EPB41L3: variants seen among roughly 807,000 people sequenced by gnomAD.
EPB41L3 encodes band 4.1-like protein 3.
A neutral mutation model predicts 127.1 loss-of-function variants in EPB41L3; 57 were observed. The ratio of observed to expected loss-of-function variants is 0.45; its 90% CI spans 0.36 to 0.56. EPB41L3 has a LOEUF of 0.56. Ranked by LOEUF, EPB41L3 falls within the 20% of genes least tolerant of loss-of-function variation. The pLI is 0.00. For synonymous variants in EPB41L3, 572 were observed against 549.5 expected, an observed-to-expected ratio of 1.04 and a Z score of -0.57; for missense variants, 1,273 against 1,372.2, an observed-to-expected ratio of 0.93 and a Z score of 1.14.
chr18:5,533,386 A>AGT (rs2093471934), intron 1 of EPB41L3, among the ~76,000 whole-genome samples: 1 of 152,184 alleles, frequency 6.6e-6, no homozygotes, highest in African/African-American at 2.4e-5. Flanking sequence ...GGATTATGTG[A>AGT]GTGTGTGTGT....
intron 13 of EPB41L3, 37 bp downstream of exon 13, chr18:5,415,781 C>G: frequency 6.3e-7 from 1 of 1,586,072 alleles, no homozygotes; most frequent in Non-Finnish European, 8.6e-7. Flanking sequence ...AAGCACGGAA[C>G]ACGAAGGGGA....
At chr18:5,533,090 C>T (rs998996328) in intron 1 of EPB41L3, among the ~76,000 whole-genome samples, 1 of 151,944 alleles carries the variant, frequency 6.6e-6, no homozygotes, top group African/African-American at 2.4e-5. Flanking sequence ...ATGTGAAAAC[C>T]CTCTCAGAGG....
chr18:5,455,742 T>G (rs1480199959), intron 3 of EPB41L3, among the ~76,000 whole-genome samples: 2 of 151,092 alleles, frequency 1.3e-5, no homozygotes, highest in African/African-American at 4.9e-5. Context: ...GAAGCACGCT[T>G]CTTCTTGGCT....
intron 1 of EPB41L3, among the ~76,000 whole-genome samples, chr18:5,624,114 T>C (rs888948273): frequency 2.6e-5 from 4 of 152,180 alleles, no homozygotes; most frequent in African/African-American, 7.2e-5. Context: ...CTGTTCCTCC[T>C]GCCTCAGCCT....
intron 3 of EPB41L3, among the ~76,000 whole-genome samples, chr18:5,457,496 T>C (rs983866875): frequency 3.9e-5 from 6 of 152,068 alleles, no homozygotes; most frequent in African/African-American, 1.2e-4. Context: ...AGGTCATCCC[T>C]GAGACTGTAT....
chr18:5,516,302 C>T (rs556958118), intron 1 of EPB41L3, among the ~76,000 whole-genome samples: 1 of 152,092 alleles, frequency 6.6e-6, no homozygotes, highest in Non-Finnish European at 1.5e-5. Context: ...AGCAAGGGGA[C>T]GCTCATTATT....
At chr18:5,622,721 C>T (rs1009878774) in intron 1 of EPB41L3, among the ~76,000 whole-genome samples, 1 of 152,090 alleles carries the variant, frequency 6.6e-6, no homozygotes, top group Non-Finnish European at 1.5e-5. Flanking sequence ...TAAATTGGAC[C>T]TCTAGCTTCA....
At chr18:5,403,789 G>C (rs2074916570) in intron 16 of EPB41L3, among the ~76,000 whole-genome samples, 1 of 151,958 alleles carries the variant, frequency 6.6e-6, no homozygotes, top group Admixed American at 6.6e-5. Context: ...TTTAATTGAA[G>C]TAGGCTTTAT....
At chr18:5,625,761 C>T (rs1483611875) in intron 1 of EPB41L3, among the ~76,000 whole-genome samples, 2 of 152,116 alleles carry the variant, frequency 1.3e-5, no homozygotes, top group Non-Finnish European at 2.9e-5. Context: ...GACTTCTCAC[C>T]ATAAAGCATT....
intron 16 of EPB41L3, chr18:5,398,703 A>G (rs1321521052): frequency 5.0e-6 from 2 of 399,380 alleles, no homozygotes; most frequent in Non-Finnish European, 8.8e-6. Flanking sequence ...AGCAACGGTA[A>G]AGGCTGGTTC....
chr18:5,486,406 G>A (rs543354805), intron 2 of EPB41L3, among the ~76,000 whole-genome samples: 1 of 151,932 alleles, frequency 6.6e-6, no homozygotes, highest in African/African-American at 2.4e-5. Flanking sequence ...CTGAGGAAAT[G>A]CTCCAGGAGG....
intron 3 of EPB41L3, among the ~76,000 whole-genome samples, chr18:5,556,303 G>A (rs2094034745): frequency 6.6e-6 from 1 of 152,228 alleles, no homozygotes; most frequent in South Asian, 2.1e-4. Flanking sequence ...ACATTTAAGT[G>A]AAGCTTGCAA....
intron 1 of EPB41L3, chr18:5,540,566 C>G: frequency 1.0e-6 from 1 of 985,438 alleles, no homozygotes; most frequent in South Asian, 4.7e-5. Flanking sequence ...CAGCAGAACC[C>G]TCCCGGGCTG....
chr18:5,561,846 A>C (rs964995019), intron 3 of EPB41L3, among the ~76,000 whole-genome samples: 1 of 152,236 alleles, frequency 6.6e-6, no homozygotes, highest in Non-Finnish European at 1.5e-5. Flanking sequence ...TGTGCCCCCG[A>C]TATGACAGAG....
intron 1 of EPB41L3, among the ~76,000 whole-genome samples, chr18:5,510,509 T>C (rs1013496943): frequency 6.6e-6 from 1 of 152,206 alleles, no homozygotes; most frequent in Admixed American, 6.5e-5. Context: ...GCATCCTGAA[T>C]GCACAATCTG....
chr18:5,531,941 A>G (rs1351084113), intron 1 of EPB41L3, among the ~76,000 whole-genome samples: 1 of 152,162 alleles, frequency 6.6e-6, no homozygotes, highest in East Asian at 1.9e-4. Flanking sequence ...ACACTATTAC[A>G]AGGAAAGGCA....
chr18:5,561,009 G>T (rs534673333), intron 3 of EPB41L3, among the ~76,000 whole-genome samples: 1 of 128,642 alleles, frequency 7.8e-6, no homozygotes, highest in Non-Finnish European at 1.8e-5. Context: ...ATGGAGTCTC[G>T]CTCTGTCGCC....
chr18:5,522,902 C>A (rs1036706887), intron 1 of EPB41L3, among the ~76,000 whole-genome samples: 1 of 151,988 alleles, frequency 6.6e-6, no homozygotes, highest in African/African-American at 2.4e-5. Context: ...AGTGAATAAA[C>A]GGAAAATGAT....
intron 1 of EPB41L3, among the ~76,000 whole-genome samples, chr18:5,502,991 G>T (rs2148538513): frequency 6.6e-6 from 1 of 152,264 alleles, no homozygotes; most frequent in African/African-American, 2.4e-5. Context: ...TGAAAAGAGA[G>T]ACTTAAGTGA....
Sources: gnomAD v4.1 joint callset for allele counts (sites outside exome capture counted in the v4.1 genomes callset) on GRCh38, gnomAD v4.1.1 for gene constraint, MANE v1.5 for transcripts, NCBI Gene and HGNC (gene_info 2026-07-23, HGNC 2026-07-21) for gene names.